The following KCNK2 variants were observed in gnomAD, a reference collection of about 807,000 sequenced individuals.
KCNK2 encodes the protein potassium two pore domain channel subfamily K member 2, also known as potassium channel subfamily K member 2.
Under a neutral mutation model 40.5 loss-of-function variants are expected in KCNK2, and 21 were observed. That is an observed-to-expected ratio of 0.52 (90% CI 0.37 to 0.75). KCNK2 has a LOEUF of 0.75. Among genes scored for constraint, KCNK2 ranks in the 30% least tolerant of loss-of-function variants. KCNK2 has a pLI of 0.00. For missense variants in KCNK2, 399 were observed against 531.6 expected (o/e 0.75, Z 2.45); for synonymous variants, 191 against 202.2 (o/e 0.94, Z 0.47).
Position 215,086,668 on chromosome 1 carries a change from A to G in KCNK2, c.347A>G (p.Glu116Gly). ...TGTGTCAATTCGACGGAGCTGGATG[A>G]ACTCATTCAGGTAATGGCATGGGAG... ...HSCVNSTELD[E>G]LIQQIVAAIN... Residue 116 changes from glutamate (E) to glycine (G), a missense_variant, in exon 2 of 7, where the codon GAA becomes GGA. Coordinates refer to ENST00000444842, the MANE Select transcript of KCNK2 (RefSeq NM_001017425.3). 6.2e-7 allele frequency: 1 copy of G among 1,613,474 alleles called. No homozygotes were observed. Among genetic ancestry groups the G allele is most frequent in the Non-Finnish European group, 8.5e-7 (1 of 1,179,480 alleles).
intron 5 of KCNK2, among the ~76,000 whole-genome samples, chr1:215,186,701 T>G (rs529057353): frequency 6.6e-6 from 1 of 152,162 alleles, no homozygotes; most frequent in Non-Finnish European, 1.5e-5. Context: ...AACTTCATAT[T>G]TATTTATGCA....
At chr1:215,175,670 T>C (rs1441463667) in intron 5 of KCNK2, among the ~76,000 whole-genome samples, 1 of 151,994 alleles carries the variant, frequency 6.6e-6, no homozygotes, top group Admixed American at 6.6e-5. Flanking sequence ...ACTCTAGTGG[T>C]CCCCAGTGTC....
At chr1:215,120,327 C>A (rs11120496) in intron 2 of KCNK2, among the ~76,000 whole-genome samples, 1 of 151,874 alleles carries the variant, frequency 6.6e-6, no homozygotes, top group South Asian at 2.1e-4. Flanking sequence ...TTAATGGGGG[C>A]GGAGTCTGAA....
At chr1:215,194,193 G>T (rs1201169442) in intron 5 of KCNK2, among the ~76,000 whole-genome samples, 1 of 152,088 alleles carries the variant, frequency 6.6e-6, no homozygotes, top group Non-Finnish European at 1.5e-5. Flanking sequence ...CAAAGGGTGT[G>T]TTGAAATGAA....
At chr1:215,006,048 A>T (rs765901096) in intron 1 of KCNK2, 2 of 1,050,686 alleles carry the variant, frequency 1.9e-6, no homozygotes, top group Non-Finnish European at 3.0e-6. Context: ...TGATGTAAGG[A>T]GTCTTCATTA....
chr1:215,035,924 A>G (rs1657367293), intron 1 of KCNK2, among the ~76,000 whole-genome samples: 2 of 108,622 alleles, frequency 1.8e-5, no homozygotes, highest in Non-Finnish European at 4.3e-5. Flanking sequence ...ATTGGTTTTG[A>G]GGAGTTTTTT....
intron 1 of KCNK2, among the ~76,000 whole-genome samples, chr1:215,011,263 T>C (rs1656377769): frequency 1.3e-5 from 2 of 152,138 alleles, no homozygotes; most frequent in African/African-American, 2.4e-5. Context: ...TTAGTATAAA[T>C]GAAATCATAC....
intron 1 of KCNK2, among the ~76,000 whole-genome samples, chr1:215,046,964 A>G (rs1657791876): frequency 1.3e-5 from 2 of 152,114 alleles, no homozygotes; most frequent in African/African-American, 4.8e-5. Context: ...AAATATCTCT[A>G]TAGTGATGTT....
intron 1 of KCNK2, among the ~76,000 whole-genome samples, chr1:215,069,121 A>C (rs1658661681): frequency 6.6e-6 from 1 of 152,150 alleles, no homozygotes; most frequent in Non-Finnish European, 1.5e-5. Context: ...GTCCATTGTA[A>C]AGAAGGTGGC....
chr1:215,226,101 C>A (rs1470161202), intron 6 of KCNK2, among the ~76,000 whole-genome samples: 1 of 152,146 alleles, frequency 6.6e-6, no homozygotes, highest in East Asian at 1.9e-4. Context: ...ATGACAAGGG[C>A]TTTCTTGACA....
intron 3 of KCNK2, among the ~76,000 whole-genome samples, chr1:215,148,227 A>G (rs1662521670): frequency 6.6e-6 from 1 of 150,772 alleles, no homozygotes; most frequent in Non-Finnish European, 1.5e-5. Flanking sequence ...CTGCAGGTGC[A>G]TACCACCACA....
At chr1:215,220,629 G>T (rs1666132708) in intron 6 of KCNK2, among the ~76,000 whole-genome samples, 1 of 152,206 alleles carries the variant, frequency 6.6e-6, no homozygotes. Context: ...AGAAAAGGGA[G>T]AGGAAGAGAA....
In KCNK2 at chr1:215,195,086, A is replaced by G; in HGVS notation, c.957A>G (p.Lys319=). ...DWLRVISKKT[K]EEVGEFRAHA... is the part of the protein sequence containing the mutation. ...TCCGAGTGATATCTAAAAAGACAAAAGAAGAGGTGAGAATTAAGAAGTGTG... is the reference window on the plus strand; with the variant it reads ...TCCGAGTGATATCTAAAAAGACAAAGGAAGAGGTGAGAATTAAGAAGTGTG... Residue 319 remains lysine (K), a synonymous_variant, in exon 6 of 7, where the codon AAA becomes AAG. Coordinates refer to ENST00000444842, the MANE Select transcript of KCNK2 (RefSeq NM_001017425.3). 6.2e-7 allele frequency: 1 copy of G among 1,603,468 alleles called. No individual in the cohort carries two copies. Among genetic ancestry groups the G allele is most frequent in the Non-Finnish European group, 8.5e-7 (1 of 1,174,378 alleles).
chr1:215,087,314 G>A (rs752561312), intron 2 of KCNK2, among the ~76,000 whole-genome samples: 1 of 152,202 alleles, frequency 6.6e-6, no homozygotes, highest in Non-Finnish European at 1.5e-5. Flanking sequence ...CCCCAGCTAA[G>A]AGAAATTTAC....
chr1:215,147,945 A>G (rs1222389401), intron 3 of KCNK2, among the ~76,000 whole-genome samples: 1 of 152,018 alleles, frequency 6.6e-6, no homozygotes, highest in Non-Finnish European at 1.5e-5. Flanking sequence ...TCCTAAATGT[A>G]TGTTGCTCTT....
rs775158737 is a variant in KCNK2 at position 215,172,124 on chromosome 1, A to G, written c.764A>G (p.Asp255Gly). 2.5e-6 allele frequency: 4 copies of G among 1,613,320 alleles called. No homozygotes were observed. The highest frequency in any genetic ancestry group is 3.4e-6 in the Non-Finnish European group (4 of 1,179,660). ...FKHIEGWSAL[D>G]AIYFVVITLT... ...CACATAGAAGGCTGGAGTGCCCTGG[A>G]CGCCATTTATTTTGTGGTTATCACT... The change falls in exon 5 of 7, where the codon GAC (aspartate) becomes GGC (glycine). Residue 255 changes from aspartate (D) to glycine (G), a missense_variant. Transcript: ENST00000444842.
At chr1:215,097,435 A>G (rs1660027021) in intron 2 of KCNK2, among the ~76,000 whole-genome samples, 1 of 151,720 alleles carries the variant, frequency 6.6e-6, no homozygotes, top group South Asian at 2.1e-4. Flanking sequence ...TTCTTAAAAA[A>G]AAAAAATTAA....
chr1:215,204,498 A>C (rs1195350069), intron 6 of KCNK2, among the ~76,000 whole-genome samples: 1 of 152,160 alleles, frequency 6.6e-6, no homozygotes, highest in Non-Finnish European at 1.5e-5. Flanking sequence ...TTAGTGCATC[A>C]AGATATAATA....
chr1:215,123,493 C>A (rs535066077), intron 2 of KCNK2, among the ~76,000 whole-genome samples: 1 of 151,468 alleles, frequency 6.6e-6, no homozygotes, highest in African/African-American at 2.4e-5. Context: ...TATTTTAATT[C>A]ATAGATTAAG....
Sources: gnomAD v4.1 joint callset for allele counts (sites outside exome capture counted in the v4.1 genomes callset) on GRCh38, gnomAD v4.1.1 for gene constraint, MANE v1.5 for transcripts, NCBI Gene and HGNC (gene_info 2026-07-23, HGNC 2026-07-21) for gene names.